Variants in PTPN4 observed in about 807,000 individuals in gnomAD.
PTPN4 encodes tyrosine-protein phosphatase non-receptor type 4.
In PTPN4, 49 loss-of-function variants were observed where a neutral mutation model predicts 135.5. The ratio of observed to expected loss-of-function variants is 0.36; its 90% CI spans 0.29 to 0.46. The LOEUF is 0.46. Among genes scored for constraint, PTPN4 ranks in the 20% least tolerant of loss-of-function variants. PTPN4 has a pLI of 1.00. For missense variants in PTPN4, 860 were observed against 1,101.0 expected, an observed-to-expected ratio of 0.78 and a Z score of 3.10; for synonymous variants, 333 against 369.9, an observed-to-expected ratio of 0.90 and a Z score of 1.14.
chr2:119,969,948 A>T (rs748625371), intron 26 of PTPN4, among the ~76,000 whole-genome samples: 2 of 152,236 alleles, frequency 1.3e-5, no homozygotes, highest in African/African-American at 4.8e-5. Context: ...CAGCTTTATT[A>T]AAATACAATT....
chr2:119,785,527 A>T (rs564437747), intron 1 of PTPN4, among the ~76,000 whole-genome samples: 155 of 152,260 alleles, frequency 1.0e-3, no homozygotes, highest in African/African-American at 3.7e-3. Context: ...TATATTATAT[A>T]TTATTTTGGG....
chr2:119,890,574 A>G (rs995616094), intron 9 of PTPN4, among the ~76,000 whole-genome samples: 2 of 151,928 alleles, frequency 1.3e-5, no homozygotes, highest in Non-Finnish European at 2.9e-5. Flanking sequence ...TGGTTATTAT[A>G]TGTATTCTGT....
chr2:119,781,279 T>C (rs1690932812), intron 1 of PTPN4, among the ~76,000 whole-genome samples: 1 of 152,164 alleles, frequency 6.6e-6, no homozygotes, highest in South Asian at 2.1e-4. Context: ...GTTAAGTATA[T>C]TCAGTGTTAT....
rs1030036268 is a variant in PTPN4 at position 119,980,625 on chromosome 2, T to G, written c.*3555T>G. ...GAATATCATAAATTCTTGTGAATTTTTGTCTATTTCCAGTAGAGAAGCATA... is the reference window on the plus strand; with the variant it reads ...GAATATCATAAATTCTTGTGAATTTGTGTCTATTTCCAGTAGAGAAGCATA... On this transcript the variant is annotated 3_prime_UTR_variant, in exon 27 of 27. Transcript: ENST00000263708. The G allele has an allele frequency of 2.0e-5, 3 of 152,002 alleles. No individual in the cohort carries two copies. Among genetic ancestry groups the G allele is most frequent in the African/African-American group, 7.2e-5 (3 of 41,416 alleles). 9.4% of individuals were successfully genotyped at this position (152,002 alleles called of 1,614,324 possible).
chr2:119,802,282 G>A (rs914353130), intron 1 of PTPN4, among the ~76,000 whole-genome samples: 3 of 152,130 alleles, frequency 2.0e-5, no homozygotes, highest in African/African-American at 7.2e-5. Flanking sequence ...ACCCTTCCTT[G>A]CCTTATTCCT....
rs148195373 is a variant in PTPN4 at position 119,776,454 on chromosome 2, G to A, written c.-18+16070G>A. 3.9e-4 allele frequency among the ~76,000 whole-genome samples: 59 copies of A among 152,280 alleles called. No homozygotes were observed. In the East Asian group the frequency reaches 9.7e-3, roughly 25 times the overall value. On this transcript the variant is annotated intron_variant, in intron 1 of 26. Transcript: ENST00000263708. ...CTCCCAAAGTGCTGGGATTACAGGCGTAAGCCACCGCACCTGGCCCATAAT... is the reference window on the plus strand; with the variant it reads ...CTCCCAAAGTGCTGGGATTACAGGCATAAGCCACCGCACCTGGCCCATAAT...
intron 1 of PTPN4, among the ~76,000 whole-genome samples, chr2:119,769,074 T>G (rs1431202561): frequency 2.0e-5 from 3 of 152,154 alleles, no homozygotes; most frequent in Admixed American, 6.5e-5. Flanking sequence ...TCACTGCTTA[T>G]GAAGTATATA....
chr2:119,835,075 TA>T (rs1240990654), intron 2 of PTPN4, among the ~76,000 whole-genome samples: 2 of 152,190 alleles, frequency 1.3e-5, no homozygotes, highest in Non-Finnish European at 2.9e-5. Context: ...TCCTGCTTTA[TA>T]AAGGAGCTCA....
chr2:119,775,246 T>A (rs1009937050), intron 1 of PTPN4, among the ~76,000 whole-genome samples: 6 of 151,954 alleles, frequency 3.9e-5, no homozygotes, highest in African/African-American at 1.5e-4. Flanking sequence ...ACTGCCCTTA[T>A]CTATAAAGCT....
chr2:119,855,954 G>A (rs1318185095), intron 2 of PTPN4, among the ~76,000 whole-genome samples: 3 of 151,986 alleles, frequency 2.0e-5, no homozygotes, highest in Non-Finnish European at 1.5e-5. Flanking sequence ...ACAGGCACCC[G>A]CCACCGCACC....
At chr2:119,931,294 T>A (rs2105036813) in intron 13 of PTPN4, among the ~76,000 whole-genome samples, 1 of 152,158 alleles carries the variant, frequency 6.6e-6, no homozygotes, top group African/African-American at 2.4e-5. Flanking sequence ...TTCAGCTAAT[T>A]TTGTCTATTA....
chr2:119,932,380 A>T, intron 13 of PTPN4, 44 bp from the exon 14 acceptor site: 1 of 1,494,824 alleles, frequency 6.7e-7, no homozygotes, highest in Non-Finnish European at 9.0e-7. Flanking sequence ...GGTTTGGGGT[A>T]TAAAAATAAA....
chr2:119,966,121 T>A (rs1355187616), intron 25 of PTPN4, among the ~76,000 whole-genome samples: 1 of 152,176 alleles, frequency 6.6e-6, no homozygotes, highest in African/African-American at 2.4e-5. Flanking sequence ...CACTTTGTTG[T>A]GTCATTCTCT....
chr2:119,960,245 A>G (rs1389416066), intron 22 of PTPN4, among the ~76,000 whole-genome samples: 1 of 152,210 alleles, frequency 6.6e-6, no homozygotes, highest in Non-Finnish European at 1.5e-5. Flanking sequence ...AAAATGTAGT[A>G]GGATAATGAC....
intron 15 of PTPN4, among the ~76,000 whole-genome samples, chr2:119,943,367 A>T (rs1043329994): frequency 2.0e-5 from 3 of 152,098 alleles, no homozygotes; most frequent in African/African-American, 7.2e-5. Flanking sequence ...TTATCTTGTT[A>T]TGCTTGATCA....
chr2:119,896,244 CT>C (rs1405528323), intron 9 of PTPN4, among the ~76,000 whole-genome samples: 3 of 152,010 alleles, frequency 2.0e-5, no homozygotes, highest in Non-Finnish European at 2.9e-5. Flanking sequence ...CCAAATGTGC[CT>C]TGGTAGAAAC....
chr2:119,959,109 G>A (rs1012877745), intron 22 of PTPN4, among the ~76,000 whole-genome samples: 1 of 151,988 alleles, frequency 6.6e-6, no homozygotes, highest in Admixed American at 6.6e-5. Context: ...CTCTAAGTAT[G>A]TCTACTAGAT....
chr2:119,971,515 A>G (rs540807375), intron 26 of PTPN4, among the ~76,000 whole-genome samples: 2 of 152,172 alleles, frequency 1.3e-5, no homozygotes, highest in South Asian at 4.2e-4. Flanking sequence ...CCTGTTTTTG[A>G]ATTTGGCCGC....
At chr2:119,854,453 CT>C (rs1239076541) in intron 2 of PTPN4, among the ~76,000 whole-genome samples, 2 of 152,202 alleles carry the variant, frequency 1.3e-5, no homozygotes, top group South Asian at 2.1e-4. Context: ...ATATTCCCCC[CT>C]GAGGAGATGT....
Sources: gnomAD v4.1 joint callset for allele counts (sites outside exome capture counted in the v4.1 genomes callset) on GRCh38, gnomAD v4.1.1 for gene constraint, MANE v1.5 for transcripts, NCBI Gene and HGNC (gene_info 2026-07-23, HGNC 2026-07-21) for gene names.